AFG1L: variants seen among roughly 807,000 people sequenced by gnomAD.
AFG1L encodes AFG1-like ATPase.
AFG1L carries 53 observed loss-of-function variants against 62.2 expected under a neutral mutation model. That is an observed-to-expected ratio of 0.85 (90% CI 0.68 to 1.07). The LOEUF (loss-of-function observed/expected upper bound fraction) is 1.07. AFG1L is among the 50% of genes least tolerant of loss of function. The pLI, the probability that AFG1L is intolerant of heterozygous loss-of-function variation, is 0.00. For missense variants in AFG1L, 555 were observed against 590.5 expected (o/e 0.94, Z 0.62); for synonymous variants, 228 against 210.3 (o/e 1.08, Z -0.73).
chr6:108,327,475 T>G (rs911222902), intron 2 of AFG1L, among the ~76,000 whole-genome samples: 8 of 152,218 alleles, frequency 5.3e-5, no homozygotes, highest in African/African-American at 1.7e-4. Context: ...GCAAATTCAG[T>G]GTCTGATGAG....
At chr6:108,354,734 C>A (rs986187571) in intron 3 of AFG1L, among the ~76,000 whole-genome samples, 1 of 152,048 alleles carries the variant, frequency 6.6e-6, no homozygotes, top group Non-Finnish European at 1.5e-5. Context: ...CATGAGGCCT[C>A]TTCATGCTAC....
chr6:108,472,580 A>G (rs1772938916), intron 8 of AFG1L, among the ~76,000 whole-genome samples: 1 of 152,120 alleles, frequency 6.6e-6, no homozygotes, highest in African/African-American at 2.4e-5. Context: ...TCTCTCTGCC[A>G]ATTTGGATAG....
intron 3 of AFG1L, among the ~76,000 whole-genome samples, chr6:108,351,588 C>T (rs1779081633): frequency 1.3e-5 from 2 of 152,182 alleles, no homozygotes; most frequent in Admixed American, 1.3e-4. Flanking sequence ...CCAGCTAGGA[C>T]CCGAGTACAA....
At chr6:108,402,686 C>T (rs910637670) in intron 7 of AFG1L, among the ~76,000 whole-genome samples, 11 of 151,910 alleles carry the variant, frequency 7.2e-5, no homozygotes, top group African/African-American at 2.2e-4. Flanking sequence ...GAGGTATGCT[C>T]ATAAATATTA....
chr6:108,522,021 GT>G (rs1035002782), intron 12 of AFG1L: 1,202 of 233,766 alleles, frequency 5.1e-3, no homozygotes, highest in South Asian at 8.0e-3. Context: ...AGAACTACTG[GT>G]TTTTTTTTTG....
intron 2 of AFG1L, among the ~76,000 whole-genome samples, chr6:108,330,856 T>C (rs369065808): frequency 6.6e-6 from 1 of 152,206 alleles, no homozygotes. Context: ...TAAAAATAAA[T>C]AAATAAATAA....
intron 6 of AFG1L, among the ~76,000 whole-genome samples, chr6:108,398,357 C>G (rs1781407769): frequency 6.6e-6 from 1 of 152,146 alleles, no homozygotes; most frequent in South Asian, 2.1e-4. Context: ...GGTTATTAAT[C>G]CCTTGCCAGA....
chr6:108,409,706 G>A (rs1446531693), intron 7 of AFG1L, among the ~76,000 whole-genome samples: 1 of 152,048 alleles, frequency 6.6e-6, no homozygotes, highest in Non-Finnish European at 1.5e-5. Context: ...AAAAGAAAAA[G>A]CATCTTAGAA....
At chr6:108,485,656 A>ATAT (rs1359021647) in intron 10 of AFG1L, among the ~76,000 whole-genome samples, 1 of 25,032 alleles carries the variant, frequency 4.0e-5, no homozygotes, top group Non-Finnish European at 5.7e-5. Flanking sequence ...ATATATATAT[A>ATAT]TTTTTTTTTT....
At chr6:108,369,936 C>A (rs1779923506) in intron 6 of AFG1L, among the ~76,000 whole-genome samples, 1 of 149,066 alleles carries the variant, frequency 6.7e-6, no homozygotes, top group African/African-American at 2.5e-5. Context: ...GGCTGGCTGG[C>A]TGGCTGGCTG....
chr6:108,439,490 G>T (rs180994512), intron 7 of AFG1L, among the ~76,000 whole-genome samples: 2 of 152,016 alleles, frequency 1.3e-5, no homozygotes, highest in East Asian at 3.9e-4. Context: ...TCTCACAGAC[G>T]TAAAAGAACC....
chr6:108,314,669 G>A (rs1178640853), intron 1 of AFG1L, among the ~76,000 whole-genome samples: 3 of 152,006 alleles, frequency 2.0e-5, no homozygotes, highest in Admixed American at 6.6e-5. Flanking sequence ...AAAATTGCTA[G>A]GATTACAGGC....
chr6:108,433,630 T>C (rs1395312619), intron 7 of AFG1L, among the ~76,000 whole-genome samples: 1 of 152,006 alleles, frequency 6.6e-6, no homozygotes, highest in East Asian at 1.9e-4. Flanking sequence ...TCTCACTCTG[T>C]TGCCCAGGCT....
At chr6:108,355,391 T>A (rs1779234032) in intron 3 of AFG1L, among the ~76,000 whole-genome samples, 1 of 152,214 alleles carries the variant, frequency 6.6e-6, no homozygotes. Context: ...ATGCACATAG[T>A]TTTCAGGGGG....
In AFG1L at chr6:108,303,912, A is replaced by G. The variant is rs142286525; in HGVS notation, c.139+8694A>G. Among the ~76,000 whole-genome samples the G allele has an allele frequency of 9.6e-4, 147 of 152,336 alleles. 2 individuals carry two copies. In the East Asian group the frequency reaches 0.026, roughly 27 times the overall value. On this transcript the variant is annotated intron_variant, in intron 1 of 12. Transcript: ENST00000368977. ...CAGGGTGAATATTAAGGAGTTACTC[A>G]GTATGCTGGGCCATGCCTGTAATTA...
chr6:108,477,412 AG>A (rs1446396011), intron 10 of AFG1L, 120 bp downstream of exon 10: 1 of 535,956 alleles, frequency 1.9e-6, no homozygotes, highest in Non-Finnish European at 3.1e-6. Flanking sequence ...TCGATTTAAA[AG>A]TCTCATTAAG....
At chr6:108,516,524 G>A (rs1413177284) in intron 11 of AFG1L, among the ~76,000 whole-genome samples, 1 of 152,126 alleles carries the variant, frequency 6.6e-6, no homozygotes, top group Non-Finnish European at 1.5e-5. Context: ...AGCTATCTAT[G>A]ACAAACCCAC....
chr6:108,363,043 T>G (rs558336432), intron 5 of AFG1L, among the ~76,000 whole-genome samples: 1 of 152,294 alleles, frequency 6.6e-6, no homozygotes, highest in East Asian at 1.9e-4. Flanking sequence ...TTAATTAATA[T>G]AATATTTATT....
At chr6:108,512,323 C>T (rs1294211590) in intron 11 of AFG1L, among the ~76,000 whole-genome samples, 1 of 152,142 alleles carries the variant, frequency 6.6e-6, no homozygotes, top group Non-Finnish European at 1.5e-5. Context: ...TGAGGGAAGC[C>T]CACCTAAGGG....
Sources: allele counts gnomAD v4.1 joint callset (sites outside exome capture counted in the v4.1 genomes callset), GRCh38; gene constraint gnomAD v4.1.1; transcripts MANE v1.5; gene names NCBI Gene and HGNC (gene_info 2026-07-23, HGNC 2026-07-21).